The following CNTNAP2 variants were observed in gnomAD, a reference collection of about 807,000 sequenced individuals.
The protein encoded by CNTNAP2 is contactin associated protein 2, also known as contactin-associated protein-like 2.
CNTNAP2 carries 98 observed loss-of-function variants against 155.2 expected under a neutral mutation model. The ratio of observed to expected loss-of-function variants is 0.63; its 90% CI spans 0.54 to 0.75. CNTNAP2 has a LOEUF of 0.75. Among genes scored for constraint, CNTNAP2 ranks in the 30% least tolerant of loss-of-function variants. The probability of loss-of-function intolerance (pLI) is 0.00; values close to 1 mark genes in which losing one functional copy is unlikely to be tolerated. For missense variants in CNTNAP2, 1,727 were observed against 1,688.1 expected, an observed-to-expected ratio of 1.02 and a Z score of -0.40; for synonymous variants, 651 against 631.2, an observed-to-expected ratio of 1.03 and a Z score of -0.47.
intron 3 of CNTNAP2, among the ~76,000 whole-genome samples, chr7:147,020,948 C>T (rs1798807436): frequency 1.3e-5 from 2 of 152,044 alleles, no homozygotes. Flanking sequence ...TTCTTGTTAC[C>T]ATTTTTCAGT....
rs552072230 is a variant in CNTNAP2, at chr7:147,330,942, T to C, written c.1498+30652T>C. Among the ~76,000 whole-genome samples the C allele has an allele frequency of 3.9e-5, 6 of 152,264 alleles. No individual in the cohort carries two copies. The East Asian group carries it at 1.2e-3, about 29-fold the overall frequency. ...AAGGATTTGAAGAGAAATGAAACTA[T>C]CTGTATTCAAGCTTCCTTTCTACCA... On this transcript the variant is annotated intron_variant, in intron 9 of 23. Transcript: ENST00000361727.
intron 9 of CNTNAP2, among the ~76,000 whole-genome samples, chr7:147,377,074 C>T (rs1796447456): frequency 1.3e-5 from 2 of 151,620 alleles, no homozygotes; most frequent in Non-Finnish European, 2.9e-5. Flanking sequence ...TATAGTATTT[C>T]TTAATATATT....
At chr7:147,789,484 C>T (rs941406148) in intron 13 of CNTNAP2, among the ~76,000 whole-genome samples, 7 of 152,220 alleles carry the variant, frequency 4.6e-5, no homozygotes, top group Non-Finnish European at 7.3e-5. Context: ...CATGACTCCT[C>T]TGCTTTGCCC....
intron 8 of CNTNAP2, among the ~76,000 whole-genome samples, chr7:147,238,217 G>A (rs1052710539): frequency 2.6e-5 from 4 of 152,006 alleles, no homozygotes; most frequent in South Asian, 2.1e-4. Flanking sequence ...GGGTTTCACC[G>A]TGTTGGCCAG....
At position 147,079,495 on chromosome 7, in the gene CNTNAP2, A is replaced by G. The variant is rs184664132; in HGVS notation, c.551-28652A>G. ...GCATTAGGAGATATACCTAATGCTA[A>G]ATGACAAGTTAATGGTTGCGGCACA... is the stretch of plus-strand genomic sequence containing the variant. On this transcript the variant is annotated intron_variant, in intron 4 of 23. Coordinates refer to ENST00000361727, the MANE Select transcript of CNTNAP2 (RefSeq NM_014141.6). Among the ~76,000 whole-genome samples the G allele has an allele frequency of 1.8e-4, 27 of 152,098 alleles. No individual in the cohort carries two copies. The East Asian group carries it at 5.0e-3, about 28-fold the overall frequency.
intron 21 of CNTNAP2, among the ~76,000 whole-genome samples, chr7:148,366,542 T>A (rs1798785366): frequency 6.6e-6 from 1 of 152,186 alleles, no homozygotes; most frequent in South Asian, 2.1e-4. Context: ...AGTCCACAAT[T>A]TTTCCATGGA....
chr7:146,912,939 A>G (rs924195191), intron 3 of CNTNAP2, among the ~76,000 whole-genome samples: 1 of 152,144 alleles, frequency 6.6e-6, no homozygotes, highest in Non-Finnish European at 1.5e-5. Context: ...ACAAGTAAAC[A>G]TTTCATTTGC....
chr7:147,666,518 T>C (rs955876671), intron 13 of CNTNAP2, among the ~76,000 whole-genome samples: 2 of 152,246 alleles, frequency 1.3e-5, no homozygotes, highest in African/African-American at 4.8e-5. Context: ...TACTGGTTTA[T>C]GTATTTACTA....
At chr7:148,137,541 G>A (rs931790724) in intron 16 of CNTNAP2, among the ~76,000 whole-genome samples, 9 of 152,204 alleles carry the variant, frequency 5.9e-5, no homozygotes, top group South Asian at 4.2e-4. Context: ...GCGTGCCTGC[G>A]GTCCCAGCCA....
At chr7:147,584,919 C>A (rs116747244) in intron 12 of CNTNAP2, among the ~76,000 whole-genome samples, 1 of 152,100 alleles carries the variant, frequency 6.6e-6, no homozygotes, top group East Asian at 1.9e-4. Flanking sequence ...TGATGGCCTG[C>A]GGAGATCTTG....
At chr7:146,973,272 C>T (rs1040184932) in intron 3 of CNTNAP2, among the ~76,000 whole-genome samples, 2 of 152,162 alleles carry the variant, frequency 1.3e-5, no homozygotes, top group East Asian at 1.9e-4. Flanking sequence ...AGGTGATCCA[C>T]CCGCCTCAGC....
intron 12 of CNTNAP2, among the ~76,000 whole-genome samples, chr7:147,594,125 C>CCT (rs1800785696): frequency 8.3e-6 from 1 of 120,072 alleles, no homozygotes; most frequent in East Asian, 2.5e-4. Flanking sequence ...TCTGGTGTCT[C>CCT]TTTTTTTTTT....
chr7:147,252,374 G>A (rs1264342962), intron 8 of CNTNAP2, among the ~76,000 whole-genome samples: 1 of 152,104 alleles, frequency 6.6e-6, no homozygotes, highest in African/African-American at 2.4e-5. Context: ...TTTCAGGAAG[G>A]GCTGTGAATT....
intron 9 of CNTNAP2, among the ~76,000 whole-genome samples, chr7:147,353,108 C>CGT (rs1563171398): frequency 6.7e-5 from 10 of 148,606 alleles, no homozygotes; most frequent in Admixed American, 2.0e-4. Flanking sequence ...CACACACACA[C>CGT]ATGTATATGT....
intron 1 of CNTNAP2, among the ~76,000 whole-genome samples, chr7:146,675,335 A>C (rs1800380355): frequency 1.3e-5 from 2 of 152,158 alleles, no homozygotes. Flanking sequence ...TACATTTACT[A>C]AAAAAACCTG....
intron 18 of CNTNAP2, among the ~76,000 whole-genome samples, chr7:148,191,750 C>T (rs1220490596): frequency 6.6e-6 from 1 of 152,178 alleles, no homozygotes; most frequent in Non-Finnish European, 1.5e-5. Context: ...CTTTCCAAGG[C>T]CTCACCTCCT....
In CNTNAP2 at chr7:146,398,064, G is replaced by A. The variant is rs558983595; in HGVS notation, c.97+281091G>A. Among the ~76,000 whole-genome samples the A allele has an allele frequency of 5.3e-5, 8 of 151,364 alleles. No homozygotes were observed. The East Asian group carries it at 5.8e-4, about 11-fold the overall frequency. The stretch of plus-strand genomic sequence containing the variant: ...AATTTTTGCATTTTTTGTGGAGAGC[G>A]TTTCACCATGTTGCCCAGGATGGTC... On this transcript the variant is annotated intron_variant, in intron 1 of 23. Coordinates refer to ENST00000361727, the MANE Select transcript of CNTNAP2 (RefSeq NM_014141.6).
At chr7:146,282,987 A>G (rs1287426961) in intron 1 of CNTNAP2, among the ~76,000 whole-genome samples, 1 of 152,218 alleles carries the variant, frequency 6.6e-6, no homozygotes, top group Non-Finnish European at 1.5e-5. Context: ...ATCTTCAAAT[A>G]TTTATAAAAC....
intron 11 of CNTNAP2, among the ~76,000 whole-genome samples, chr7:147,526,757 G>A (rs1036266706): frequency 6.6e-6 from 1 of 152,168 alleles, no homozygotes; most frequent in African/African-American, 2.4e-5. Context: ...AGCTGGTAAA[G>A]ATGGAGGAAT....
Sources: allele counts gnomAD v4.1 joint callset (sites outside exome capture counted in the v4.1 genomes callset), GRCh38; gene constraint gnomAD v4.1.1; transcripts MANE v1.5; gene names NCBI Gene and HGNC (gene_info 2026-07-23, HGNC 2026-07-21).